Variants in RAB2A observed in about 807,000 individuals in gnomAD.
RAB2A encodes RAB2A, member RAS oncogene family, also known as ras-related protein Rab-2A.
Under a neutral mutation model 32.5 loss-of-function variants are expected in RAB2A, and 7 were observed. That is an observed-to-expected ratio of 0.22 (90% CI 0.12 to 0.40). The LOEUF (loss-of-function observed/expected upper bound fraction) is 0.40. Among genes scored for constraint, RAB2A ranks in the 10% least tolerant of loss-of-function variants. The pLI is 1.00. For synonymous variants in RAB2A, 79 were observed against 85.2 expected (o/e 0.93, Z 0.40); for missense variants, 108 against 260.7 (o/e 0.41, Z 4.03).
chr8:60,568,394 G>GT (rs1181431053), intron 2 of RAB2A, among the ~76,000 whole-genome samples: 3 of 152,204 alleles, frequency 2.0e-5, no homozygotes, highest in African/African-American at 7.2e-5. Context: ...CATGCGGATG[G>GT]TAGTTTAGAC....
In RAB2A at chr8:60,517,264, C is replaced by G. The variant is rs1213142584; in HGVS notation, c.46+11C>G. ...TAATCGGCGACACAGGTGAGGGCCC[C>G]GGGCGCGGCCGGGCGGGTGTCGGCG... On this transcript the variant is annotated intron_variant, in intron 1 of 7. Transcript: ENST00000262646. 3.4e-6 allele frequency: 5 copies of G among 1,481,028 alleles called. No individual in the cohort carries two copies. The highest frequency in any genetic ancestry group is 4.5e-6 in the Non-Finnish European group (5 of 1,114,456). The allele number at this position is 1,481,028 out of a possible 1,614,324, so 91.7% of individuals were successfully genotyped here.
intron 3 of RAB2A, among the ~76,000 whole-genome samples, chr8:60,577,912 G>T (rs1370942383): frequency 1.3e-5 from 2 of 151,522 alleles, no homozygotes; most frequent in Non-Finnish European, 2.9e-5. Flanking sequence ...AAAGTGCTGG[G>T]ATTATAGGCG....
chr8:60,554,369 A>T (rs1009131174), intron 1 of RAB2A, among the ~76,000 whole-genome samples: 1 of 152,212 alleles, frequency 6.6e-6, no homozygotes, highest in African/African-American at 2.4e-5. Flanking sequence ...GGATGATTCC[A>T]GGTTTCTTTT....
intron 2 of RAB2A, among the ~76,000 whole-genome samples, chr8:60,566,295 A>G (rs1808112266): frequency 1.3e-5 from 2 of 152,174 alleles, no homozygotes; most frequent in South Asian, 4.2e-4. Context: ...TCAGTTTTTA[A>G]TGTTTGTAAA....
chr8:60,598,520 A>C (rs188761931), intron 6 of RAB2A, among the ~76,000 whole-genome samples: 1 of 149,836 alleles, frequency 6.7e-6, no homozygotes, highest in Non-Finnish European at 1.5e-5. Context: ...TAGAATTTCA[A>C]CAATATACGA....
At chr8:60,596,648 C>T (rs886880410) in intron 6 of RAB2A, among the ~76,000 whole-genome samples, 2 of 152,080 alleles carry the variant, frequency 1.3e-5, no homozygotes, top group African/African-American at 2.4e-5. Flanking sequence ...AACGGCCGGG[C>T]GCGGTGGCTC....
rs763494517 is a variant in RAB2A at position 60,584,747 on chromosome 8, A to C, written c.294A>C (p.Thr98=). The part of the protein sequence containing the change: ...ITRRDTFNHL[T]TWLEDARQHS... ...GGAGAGATACATTCAACCACTTGAC[A>C]ACCTGGTTAGAAGATGCCCGCCAGC... Residue 98 remains threonine (T), a synonymous_variant, in exon 5 of 8, where the codon ACA becomes ACC. Coordinates refer to ENST00000262646, the MANE Select transcript of RAB2A (RefSeq NM_002865.3). 6.2e-7 allele frequency: 1 copy of C among 1,613,078 alleles called. No individual in the cohort carries two copies. The highest frequency in any genetic ancestry group is 8.5e-7 in the Non-Finnish European group (1 of 1,179,254).
intron 3 of RAB2A, among the ~76,000 whole-genome samples, chr8:60,573,224 C>T (rs1433476574): frequency 6.6e-6 from 1 of 152,152 alleles, no homozygotes; most frequent in Non-Finnish European, 1.5e-5. Context: ...TGAAAGGTCT[C>T]CTGTTGTGTC....
chr8:60,568,655 G>A (rs375122816), intron 2 of RAB2A, among the ~76,000 whole-genome samples: 2 of 152,164 alleles, frequency 1.3e-5, no homozygotes, highest in African/African-American at 2.4e-5. Context: ...GGATGATAAC[G>A]ATTGGAGACA....
intron 6 of RAB2A, among the ~76,000 whole-genome samples, chr8:60,616,757 A>G (rs749553408): frequency 1.3e-5 from 2 of 152,182 alleles, no homozygotes; most frequent in Non-Finnish European, 2.9e-5. Context: ...ATGCATATTC[A>G]TATCTCTGTG....
At chr8:60,574,855 G>A (rs185392607) in intron 3 of RAB2A, among the ~76,000 whole-genome samples, 19 of 152,212 alleles carry the variant, frequency 1.2e-4, no homozygotes, top group African/African-American at 4.6e-4. Context: ...CCTCTAGGAG[G>A]GTAGAGGGCT....
chr8:60,571,900 T>C (rs555354045), intron 2 of RAB2A, 146 bp from the exon 3 acceptor site: 2 of 466,080 alleles, frequency 4.3e-6, no homozygotes, highest in South Asian at 2.4e-5. Flanking sequence ...TTATGTATTT[T>C]CTAAGTATAG....
At chr8:60,526,007 ATG>A (rs1319588922) in intron 1 of RAB2A, among the ~76,000 whole-genome samples, 297 of 127,672 alleles carry the variant, frequency 2.3e-3, no homozygotes, top group Middle Eastern at 4.2e-3. Flanking sequence ...ATATGTATAT[ATG>A]TGTGTGTGTA....
chr8:60,539,940 G>A (rs549050996), intron 1 of RAB2A, among the ~76,000 whole-genome samples: 1 of 152,090 alleles, frequency 6.6e-6, no homozygotes, highest in South Asian at 2.1e-4. Flanking sequence ...AGGCTGTTAT[G>A]AGAAATAAGG....
chr8:60,602,966 C>T (rs667261), intron 6 of RAB2A, among the ~76,000 whole-genome samples: 1 of 152,164 alleles, frequency 6.6e-6, no homozygotes, highest in Admixed American at 6.5e-5. Context: ...AGCTTGCTCT[C>T]TGGAGGACTC....
At chr8:60,549,099 G>A (rs931967192) in intron 1 of RAB2A, among the ~76,000 whole-genome samples, 1 of 149,324 alleles carries the variant, frequency 6.7e-6, no homozygotes, top group Non-Finnish European at 1.5e-5. Context: ...GGGAAGAGGC[G>A]CTCCTCACTT....
At chr8:60,550,391 T>C (rs1020752886) in intron 1 of RAB2A, among the ~76,000 whole-genome samples, 2 of 144,806 alleles carry the variant, frequency 1.4e-5, no homozygotes, top group African/African-American at 5.0e-5. Flanking sequence ...TTTTTTTGTC[T>C]TTTTTTTTTT....
At chr8:60,575,093 G>GTTTTT (rs59359164) in intron 3 of RAB2A, among the ~76,000 whole-genome samples, 3 of 128,144 alleles carry the variant, frequency 2.3e-5, no homozygotes, top group African/African-American at 5.8e-5. Flanking sequence ...TTTTTTGGGG[G>GTTTTT]TTTTTTTTTT....
Position 60,526,429 on chromosome 8 carries a change from A to G in RAB2A, c.46+9176A>G, listed in dbSNP as rs889420105. 6.4e-4 allele frequency among the ~76,000 whole-genome samples: 97 copies of G among 151,910 alleles called. 1 individual carries two copies. The highest frequency in any genetic ancestry group is 6.4e-3 in the Admixed American group (97 of 15,254). On this transcript the variant is annotated intron_variant, in intron 1 of 7. Transcript: ENST00000262646. The stretch of plus-strand genomic sequence containing the variant: ...CTCATCTTTCTTGTTGGGCCATCCC[A>G]AGTCTCTCTGTTTTAGGAAAGGTTT...
Sources: gnomAD v4.1 joint callset for allele counts (sites outside exome capture counted in the v4.1 genomes callset) on GRCh38, gnomAD v4.1.1 for gene constraint, MANE v1.5 for transcripts, NCBI Gene and HGNC (gene_info 2026-07-23, HGNC 2026-07-21) for gene names.